The following WWC2 variants were observed in gnomAD, a reference collection of about 807,000 sequenced individuals.
The protein encoded by WWC2 is protein WWC2.
A neutral mutation model predicts 138.5 loss-of-function variants in WWC2; 101 were observed. The observed-to-expected ratio is 0.73, with a 90% CI of 0.62 to 0.86. WWC2 has a LOEUF of 0.86. Ranked by LOEUF, WWC2 falls within the 40% of genes least tolerant of loss-of-function variation. The pLI is 0.00. For synonymous variants in WWC2, 558 were observed against 538.4 expected (o/e 1.04, Z -0.50); for missense variants, 1,420 against 1,419.4 (o/e 1.00, Z -0.01).
intron 1 of WWC2, among the ~76,000 whole-genome samples, chr4:183,118,792 C>T (rs879794180): frequency 2.3e-4 from 35 of 152,302 alleles, no homozygotes; most frequent in Admixed American, 1.9e-3. Context: ...TATGGGGCTG[C>T]AGCCAAGTAG....
chr4:183,230,084 C>T (rs1580082372), intron 4 of WWC2, among the ~76,000 whole-genome samples: 1 of 152,068 alleles, frequency 6.6e-6, no homozygotes, highest in Non-Finnish European at 1.5e-5. Context: ...CTCGGCCTCT[C>T]AAATTAAATT....
At chr4:183,128,542 G>A (rs1227436218) in intron 1 of WWC2, among the ~76,000 whole-genome samples, 1 of 152,094 alleles carries the variant, frequency 6.6e-6, no homozygotes, top group Non-Finnish European at 1.5e-5. Context: ...TCTTTTTGTG[G>A]CTCTTCCTAT....
chr4:183,299,482 C>T (rs1316162381), intron 21 of WWC2, among the ~76,000 whole-genome samples: 3 of 152,110 alleles, frequency 2.0e-5, no homozygotes, highest in South Asian at 2.1e-4. Flanking sequence ...GGGTTTTTAT[C>T]GTTATTTTTA....
chr4:183,171,839 T>C (rs1298210608), intron 1 of WWC2, among the ~76,000 whole-genome samples: 1 of 152,200 alleles, frequency 6.6e-6, no homozygotes, highest in Non-Finnish European at 1.5e-5. Flanking sequence ...AGAACTGACT[T>C]CCCGCCCTGG....
chr4:183,134,985 G>T (rs1733065221), intron 1 of WWC2, among the ~76,000 whole-genome samples: 1 of 151,560 alleles, frequency 6.6e-6, no homozygotes, highest in Non-Finnish European at 1.5e-5. Context: ...AGGCTGGAGT[G>T]CAGTGGCACG....
chr4:183,196,658 C>G (rs1366895117), intron 2 of WWC2, among the ~76,000 whole-genome samples: 1 of 152,216 alleles, frequency 6.6e-6, no homozygotes, highest in Non-Finnish European at 1.5e-5. Flanking sequence ...CTGCCTGGCA[C>G]TGGAGGCCTT....
chr4:183,295,282 G>A (rs561626549), intron 21 of WWC2, among the ~76,000 whole-genome samples: 1 of 152,298 alleles, frequency 6.6e-6, no homozygotes, highest in South Asian at 2.1e-4. Context: ...TCCAACCTTG[G>A]AGAAGTCCCC....
At chr4:183,152,693 G>A (rs565819545) in intron 1 of WWC2, among the ~76,000 whole-genome samples, 1 of 152,036 alleles carries the variant, frequency 6.6e-6, no homozygotes, top group South Asian at 2.1e-4. Context: ...GACCAGCCTG[G>A]CCAACATGGT....
intron 16 of WWC2, among the ~76,000 whole-genome samples, chr4:183,277,192 C>T (rs2111393927): frequency 6.8e-6 from 1 of 146,510 alleles, no homozygotes. Flanking sequence ...CGTGTGATCT[C>T]ATTGTTCAAT....
chr4:183,129,660 AT>A (rs1296372807), intron 1 of WWC2, among the ~76,000 whole-genome samples: 1 of 152,206 alleles, frequency 6.6e-6, no homozygotes, highest in East Asian at 1.9e-4. Flanking sequence ...CTAAGTCTTG[AT>A]AATGTACAGG....
intron 1 of WWC2, among the ~76,000 whole-genome samples, chr4:183,149,828 C>T (rs1395568905): frequency 6.6e-6 from 1 of 152,266 alleles, no homozygotes; most frequent in East Asian, 1.9e-4. Flanking sequence ...TTGATATCTA[C>T]TGTCTAGATC....
At position 183,265,757 on chromosome 4, in the gene WWC2, G is replaced by C. The variant is rs1157847493; in HGVS notation, c.2109G>C (p.Gln703His). Reference sequence around the variant, plus strand: ...CCATTGTAGAGACCGCCCAGGTTCAGATAGGACTCAGGTAAGGAATGTACG... The same window carrying C: ...CCATTGTAGAGACCGCCCAGGTTCACATAGGACTCAGGTAAGGAATGTACG... ...DVAIVETAQVQIGLRYNAKSS... is the reference protein window; with the variant it reads ...DVAIVETAQVHIGLRYNAKSS... The change falls in exon 13 of 23, where the codon CAG becomes CAC. Residue 703 changes from glutamine to histidine, a missense_variant. Transcript: ENST00000403733. 1 of 1,611,340 alleles carries C rather than the reference G, an allele frequency of 6.2e-7. No homozygotes were observed. The highest frequency in any genetic ancestry group is 1.3e-5 in the African/African-American group (1 of 75,034).
chr4:183,212,427 C>T (rs1035912556), intron 4 of WWC2, among the ~76,000 whole-genome samples: 6 of 151,952 alleles, frequency 3.9e-5, no homozygotes, highest in African/African-American at 1.5e-4. Context: ...ATCTCTGTAC[C>T]GTGTCTATAT....
intron 6 of WWC2, among the ~76,000 whole-genome samples, chr4:183,246,917 T>C (rs1394980205): frequency 2.0e-5 from 3 of 152,200 alleles, no homozygotes; most frequent in Non-Finnish European, 4.4e-5. Flanking sequence ...CATTGGAACC[T>C]TCTAATTCAA....
At chr4:183,122,611 C>T (rs148408755) in intron 1 of WWC2, among the ~76,000 whole-genome samples, 26 of 152,200 alleles carry the variant, frequency 1.7e-4, no homozygotes, top group African/African-American at 4.8e-4. Context: ...TCTCCGCCTC[C>T]CAGGCTCAAG....
At chr4:183,194,694 A>G (rs1735085608) in intron 2 of WWC2, among the ~76,000 whole-genome samples, 1 of 152,170 alleles carries the variant, frequency 6.6e-6, no homozygotes, top group Non-Finnish European at 1.5e-5. Flanking sequence ...AGGCCAAAAA[A>G]GCCTGTATTA....
chr4:183,214,977 G>C (rs1413959554), intron 4 of WWC2, among the ~76,000 whole-genome samples: 1 of 152,142 alleles, frequency 6.6e-6, no homozygotes, highest in Non-Finnish European at 1.5e-5. Context: ...CCAAACTGTA[G>C]ATAAGGTTAT....
chr4:183,247,513 C>CTAT (rs1361026595), intron 6 of WWC2, among the ~76,000 whole-genome samples: 8 of 139,148 alleles, frequency 5.7e-5, no homozygotes, highest in African/African-American at 2.2e-4. Context: ...ACTATATATA[C>CTAT]ACTATACTAT....
intron 1 of WWC2, among the ~76,000 whole-genome samples, chr4:183,123,534 AG>A (rs1267872324): frequency 1.3e-5 from 2 of 152,218 alleles, no homozygotes; most frequent in African/African-American, 4.8e-5. Flanking sequence ...GCTCTACCCC[AG>A]CATCAGGATA....
Sources: gnomAD v4.1 joint callset for allele counts (sites outside exome capture counted in the v4.1 genomes callset) on GRCh38, gnomAD v4.1.1 for gene constraint, MANE v1.5 for transcripts, NCBI Gene and HGNC (gene_info 2026-07-23, HGNC 2026-07-21) for gene names.